SIPA1L1: variants seen among roughly 807,000 people sequenced by gnomAD.
SIPA1L1 encodes signal induced proliferation associated 1 like 1, also known as signal-induced proliferation-associated 1-like protein 1.
Under a neutral mutation model 162.7 loss-of-function variants are expected in SIPA1L1, and 26 were observed. The ratio of observed to expected loss-of-function variants is 0.16; its 90% confidence interval spans 0.12 to 0.22. The LOEUF (loss-of-function observed/expected upper bound fraction) is 0.22. Among genes scored for constraint, SIPA1L1 ranks in the 10% least tolerant of loss-of-function variants. The pLI is 1.00. For missense variants in SIPA1L1, 1,874 were observed against 2,241.0 expected, an observed-to-expected ratio of 0.84 and a Z score of 3.31; for synonymous variants, 829 against 837.4, an observed-to-expected ratio of 0.99 and a Z score of 0.17.
At chr14:71,542,447 TC>T (rs1567175825) in intron 4 of SIPA1L1, among the ~76,000 whole-genome samples, 38 of 151,208 alleles carry the variant, frequency 2.5e-4, no homozygotes, top group African/African-American at 1.5e-4. Flanking sequence ...TGCTTCTGCT[TC>T]TTCTTCCTGC....
intron 4 of SIPA1L1, among the ~76,000 whole-genome samples, chr14:71,541,694 G>A (rs2054396982): frequency 6.6e-6 from 1 of 152,166 alleles, no homozygotes; most frequent in South Asian, 2.1e-4. Context: ...GATTACTTGA[G>A]TCTAGAAGGT....
At chr14:71,342,912 G>A (rs1015206161) in intron 2 of SIPA1L1, among the ~76,000 whole-genome samples, 6 of 152,122 alleles carry the variant, frequency 3.9e-5, no homozygotes, top group East Asian at 1.9e-4. Context: ...TCCTAAGAAC[G>A]AAGATTAATT....
At chr14:71,446,112 G>C (rs1595501079) in intron 2 of SIPA1L1, among the ~76,000 whole-genome samples, 1 of 152,278 alleles carries the variant, frequency 6.6e-6, no homozygotes, top group South Asian at 2.1e-4. Context: ...GCCTCATAAA[G>C]TATTGGGATT....
rs114935649 is a variant in SIPA1L1 at position 71,324,683 on chromosome 14, A to G, written c.-465+3502A>G. ...GAAATCTTTATTTGCACAGAGCATAATGTACTCTTTAGCTCTTTAGAAAAG... is the reference window on the plus strand; with the variant it reads ...GAAATCTTTATTTGCACAGAGCATAGTGTACTCTTTAGCTCTTTAGAAAAG... On this transcript the variant is annotated intron_variant, in intron 2 of 23. Coordinates refer to ENST00000381232, the MANE Select transcript of SIPA1L1 (RefSeq NM_001386936.1). Among the ~76,000 whole-genome samples the G allele has an allele frequency of 1.9e-3, 282 of 152,354 alleles. 1 individual carries two copies. The highest frequency in any genetic ancestry group is 6.4e-3 in the African/African-American group (267 of 41,578).
At chr14:71,404,119 A>G (rs1159392359) in intron 2 of SIPA1L1, among the ~76,000 whole-genome samples, 2 of 152,128 alleles carry the variant, frequency 1.3e-5, no homozygotes, top group Non-Finnish European at 2.9e-5. Flanking sequence ...GTTGGCACTC[A>G]GGGGTGTAAC....
chr14:71,435,351 G>C (rs1033052675), intron 2 of SIPA1L1, among the ~76,000 whole-genome samples: 1 of 151,972 alleles, frequency 6.6e-6, no homozygotes, highest in Non-Finnish European at 1.5e-5. Context: ...ACAGGCCCCG[G>C]TGTGTGATGT....
chr14:71,399,550 G>A (rs114841968), intron 2 of SIPA1L1, among the ~76,000 whole-genome samples: 7 of 152,078 alleles, frequency 4.6e-5, no homozygotes, highest in African/African-American at 1.7e-4. Flanking sequence ...GACCACAGGT[G>A]CACACCACCA....
intron 3 of SIPA1L1, among the ~76,000 whole-genome samples, chr14:71,529,016 G>A (rs1273697913): frequency 6.6e-6 from 1 of 152,054 alleles, no homozygotes; most frequent in Non-Finnish European, 1.5e-5. Flanking sequence ...GGAGGTTGAG[G>A]CAGAAGAATC....
Position 71,672,483 on chromosome 14 carries a change from A to C in SIPA1L1, c.2965A>C (p.Arg989=), listed in dbSNP as rs2044629673. 1.2e-6 allele frequency: 2 copies of C among 1,614,086 alleles called. No individual in the cohort carries two copies. The highest frequency in any genetic ancestry group is 1.7e-5 in the Admixed American group (1 of 60,008). Residue 989 remains arginine, a synonymous_variant, in exon 12 of 24, where the codon AGG becomes CGG. Transcript: ENST00000381232. ...PYGYAWQAGL[R]QGSRLVEICK... is the part of the protein sequence containing the mutation. ...CGGTTATGCCTGGCAGGCAGGGCTG[A>C]GGCAGGGCAGTCGCCTGGTGGAGAT... is the stretch of plus-strand genomic sequence containing the variant.
intron 2 of SIPA1L1, among the ~76,000 whole-genome samples, chr14:71,500,726 G>A (rs976966650): frequency 1.1e-4 from 16 of 152,236 alleles, no homozygotes; most frequent in African/African-American, 1.9e-4. Context: ...TTAGAAGGGG[G>A]CAGGGTGCAG....
At chr14:71,379,546 C>T (rs2039711219) in intron 2 of SIPA1L1, 1 of 152,254 alleles carries the variant, frequency 6.6e-6, no homozygotes, top group Non-Finnish European at 1.5e-5. Flanking sequence ...AGCCTCCTAC[C>T]TCAGCCTTCC....
At chr14:71,329,095 TGACAG>T (rs1322098470) in intron 2 of SIPA1L1, among the ~76,000 whole-genome samples, 2 of 152,226 alleles carry the variant, frequency 1.3e-5, no homozygotes, top group African/African-American at 2.4e-5. Flanking sequence ...TTGTAGCATG[TGACAG>T]GATTTCTATC....
intron 4 of SIPA1L1, among the ~76,000 whole-genome samples, chr14:71,567,582 A>T (rs1473776900): frequency 1.3e-5 from 2 of 151,720 alleles, no homozygotes. Context: ...TCTTGATTAT[A>T]TACTAAACAA....
At chr14:71,561,736 T>C (rs959713077) in intron 4 of SIPA1L1, among the ~76,000 whole-genome samples, 1 of 152,070 alleles carries the variant, frequency 6.6e-6, no homozygotes, top group Non-Finnish European at 1.5e-5. Context: ...TACAGGCATG[T>C]GCCACCACGC....
In SIPA1L1 at chr14:71,561,251, A is replaced by G. The variant is rs146137311; in HGVS notation, c.-302-26320A>G. ...CTTTAAAAATTGCTTTGGTGTCACAATGTACTTAATCATTTCCCAGTTATA... is the reference window on the plus strand; with the variant it reads ...CTTTAAAAATTGCTTTGGTGTCACAGTGTACTTAATCATTTCCCAGTTATA... On this transcript the variant is annotated intron_variant, in intron 4 of 23. Transcript: ENST00000381232. 2.6e-4 allele frequency among the ~76,000 whole-genome samples: 39 copies of G among 152,288 alleles called. No individual in the cohort carries two copies. In the East Asian group the frequency reaches 6.2e-3, roughly 24 times the overall value.
chr14:71,423,466 A>G (rs1195532983), intron 2 of SIPA1L1, among the ~76,000 whole-genome samples: 1 of 152,188 alleles, frequency 6.6e-6, no homozygotes, highest in Non-Finnish European at 1.5e-5. Flanking sequence ...TAGGTCTTAC[A>G]TTTAAGTTTT....
intron 4 of SIPA1L1, among the ~76,000 whole-genome samples, chr14:71,577,679 G>A (rs546783097): frequency 1.2e-3 from 179 of 149,896 alleles, no homozygotes; most frequent in African/African-American, 4.2e-3. Flanking sequence ...GCGCCCAGCT[G>A]CACTTTGTGT....
chr14:71,615,347 G>A (rs1204480116), intron 5 of SIPA1L1, among the ~76,000 whole-genome samples: 1 of 152,186 alleles, frequency 6.6e-6, no homozygotes, highest in Non-Finnish European at 1.5e-5. Flanking sequence ...CATGAAAAGG[G>A]TACAAGAACC....
intron 4 of SIPA1L1, among the ~76,000 whole-genome samples, chr14:71,580,204 G>A (rs1463745046): frequency 6.6e-6 from 1 of 152,188 alleles, no homozygotes; most frequent in Non-Finnish European, 1.5e-5. Context: ...GATTCCTTGA[G>A]CCACTGATAC....
Sources: allele counts gnomAD v4.1 joint callset (sites outside exome capture counted in the v4.1 genomes callset), GRCh38; gene constraint gnomAD v4.1.1; transcripts MANE v1.5; gene names NCBI Gene and HGNC (gene_info 2026-07-23, HGNC 2026-07-21).